The following CNTNAP2 variants were observed in gnomAD, a reference collection of about 807,000 sequenced individuals.
The protein encoded by CNTNAP2 is contactin-associated protein-like 2.
CNTNAP2 carries 98 observed loss-of-function variants against 155.2 expected under a neutral mutation model. The ratio of observed to expected loss-of-function variants is 0.63; its 90% CI spans 0.54 to 0.75. The LOEUF is 0.75. CNTNAP2 is among the 30% of genes least tolerant of loss of function. The pLI, the probability that CNTNAP2 is intolerant of heterozygous loss-of-function variation, is 0.00. For missense variants in CNTNAP2, 1,727 were observed against 1,688.1 expected (o/e 1.02, Z -0.40); for synonymous variants, 651 against 631.2 (o/e 1.03, Z -0.47).
chr7:146,352,750 G>GTTTTTTTTTTTTTTTTTTTTTTTTTTT (rs531124445), intron 1 of CNTNAP2, among the ~76,000 whole-genome samples: 3 of 64,338 alleles, frequency 4.7e-5, no homozygotes, highest in African/African-American at 6.4e-5. Flanking sequence ...GCATAATTCT[G>GTTTTTTTTTTTTTTTTTTTTTTTTTTT]TTTTTTTTTT....
chr7:146,993,271 T>A (rs536604728), intron 3 of CNTNAP2, among the ~76,000 whole-genome samples: 82 of 152,292 alleles, frequency 5.4e-4, no homozygotes, highest in Non-Finnish European at 1.0e-3. Context: ...TGGGGTGGGC[T>A]GTCTGCATGT....
chr7:146,716,237 T>C (rs1801185875), intron 1 of CNTNAP2, among the ~76,000 whole-genome samples: 1 of 144,710 alleles, frequency 6.9e-6, no homozygotes, highest in African/African-American at 2.5e-5. Context: ...AAAAAAGGCA[T>C]GTTTTGGGGT....
chr7:148,051,229 T>C lies in CNTNAP2; in HGVS notation c.2384-66889T>C, dbSNP rs2710133. ...ATACTTTTATGTAATTTGCTTTCAC[T>C]TGGGCCAAATATCATTTTTGTATTA... is the stretch of plus-strand genomic sequence containing the variant. On this transcript the variant is annotated intron_variant, in intron 15 of 23. Coordinates refer to ENST00000361727, the MANE Select transcript of CNTNAP2 (RefSeq NM_014141.6). 9.5e-3 allele frequency among the ~76,000 whole-genome samples: 1,441 copies of C among 152,328 alleles called. 25 individuals are homozygous for C. The highest frequency in any genetic ancestry group is 0.033 in the African/African-American group (1,381 of 41,562).
intron 1 of CNTNAP2, among the ~76,000 whole-genome samples, chr7:146,364,055 A>G (rs1173974670): frequency 7.2e-5 from 11 of 152,210 alleles, no homozygotes; most frequent in Admixed American, 6.5e-4. Flanking sequence ...AGGGCGAATC[A>G]TGAGTAAGAT....
At chr7:147,138,987 A>ATC (rs2129286783) in intron 8 of CNTNAP2, among the ~76,000 whole-genome samples, 1 of 152,192 alleles carries the variant, frequency 6.6e-6, no homozygotes, top group Non-Finnish European at 1.5e-5. Flanking sequence ...AAAAAATCAG[A>ATC]TATCACTAGT....
At chr7:147,618,708 T>TATATATATAATA in intron 12 of CNTNAP2, among the ~76,000 whole-genome samples, 1 of 132,074 alleles carries the variant, frequency 7.6e-6, no homozygotes, top group Non-Finnish European at 1.5e-5. Flanking sequence ...ACAGCTATTA[T>TATATATATAATA]ACACACACAC....
At chr7:146,315,035 G>A (rs542731846) in intron 1 of CNTNAP2, among the ~76,000 whole-genome samples, 1 of 152,288 alleles carries the variant, frequency 6.6e-6, no homozygotes, top group South Asian at 2.1e-4. Context: ...GAGAAAGCCA[G>A]GGAAGGCCCT....
intron 8 of CNTNAP2, among the ~76,000 whole-genome samples, chr7:147,157,983 G>A (rs889685849): frequency 3.3e-5 from 5 of 151,960 alleles, no homozygotes; most frequent in African/African-American, 1.2e-4. Context: ...CATTAAATCA[G>A]CAATAACAAA....
intron 15 of CNTNAP2, among the ~76,000 whole-genome samples, chr7:148,088,762 A>C (rs1020766317): frequency 6.6e-6 from 1 of 151,950 alleles, no homozygotes; most frequent in Non-Finnish European, 1.5e-5. Flanking sequence ...TTTTTTGCAA[A>C]CTTTTACCAA....
At chr7:146,947,103 C>G (rs968221101) in intron 3 of CNTNAP2, among the ~76,000 whole-genome samples, 1 of 151,758 alleles carries the variant, frequency 6.6e-6, no homozygotes, top group Admixed American at 6.6e-5. Flanking sequence ...GTGACCTCAG[C>G]TCCCTGTAAC....
chr7:146,539,327 A>G (rs770309706), intron 1 of CNTNAP2, among the ~76,000 whole-genome samples: 4 of 152,044 alleles, frequency 2.6e-5, no homozygotes, highest in Non-Finnish European at 4.4e-5. Context: ...GGCAGAGATC[A>G]GCAAAATTTG....
intron 10 of CNTNAP2, among the ~76,000 whole-genome samples, chr7:147,471,646 A>C (rs1798217061): frequency 6.6e-6 from 1 of 152,230 alleles, no homozygotes; most frequent in African/African-American, 2.4e-5. Flanking sequence ...CCAACTATTC[A>C]AACTAATTGA....
intron 18 of CNTNAP2, among the ~76,000 whole-genome samples, chr7:148,186,748 A>T (rs1050521978): frequency 3.3e-5 from 5 of 152,184 alleles, no homozygotes; most frequent in African/African-American, 1.2e-4. Context: ...CCTAAGTTTG[A>T]CACAAAAGGG....
intron 15 of CNTNAP2, among the ~76,000 whole-genome samples, chr7:147,990,125 G>A (rs1801685715): frequency 6.6e-6 from 1 of 152,134 alleles, no homozygotes; most frequent in Non-Finnish European, 1.5e-5. Context: ...TCAGGTAAGT[G>A]CTATACTTAT....
chr7:147,659,693 G>A (rs1247695949), intron 13 of CNTNAP2, among the ~76,000 whole-genome samples: 13 of 152,124 alleles, frequency 8.5e-5, no homozygotes, highest in Admixed American at 8.5e-4. Flanking sequence ...GTTTAATATT[G>A]ACAGTAGATT....
intron 8 of CNTNAP2, among the ~76,000 whole-genome samples, chr7:147,282,691 G>A (rs1805071880): frequency 6.6e-6 from 1 of 151,888 alleles, no homozygotes; most frequent in South Asian, 2.1e-4. Flanking sequence ...TCATAAAAGA[G>A]CCTTAATCAT....
At chr7:146,535,836 A>G (rs1797860840) in intron 1 of CNTNAP2, among the ~76,000 whole-genome samples, 1 of 152,078 alleles carries the variant, frequency 6.6e-6, no homozygotes, top group African/African-American at 2.4e-5. Flanking sequence ...ATGTGTTAAA[A>G]AACGGTTCAT....
At chr7:146,384,102 C>G (rs551209382) in intron 1 of CNTNAP2, among the ~76,000 whole-genome samples, 6 of 152,048 alleles carry the variant, frequency 3.9e-5, no homozygotes, top group African/African-American at 1.4e-4. Flanking sequence ...GAGAAAGGAA[C>G]AAAAAAGAAA....
chr7:147,070,429 A>C (rs1479613061), intron 4 of CNTNAP2, among the ~76,000 whole-genome samples: 1 of 152,220 alleles, frequency 6.6e-6, no homozygotes, highest in Non-Finnish European at 1.5e-5. Flanking sequence ...TGCTCTGAGA[A>C]GTGTCATCGT....
Sources: gnomAD v4.1 joint callset for allele counts (sites outside exome capture counted in the v4.1 genomes callset) on GRCh38, gnomAD v4.1.1 for gene constraint, MANE v1.5 for transcripts, NCBI Gene and HGNC (gene_info 2026-07-23, HGNC 2026-07-21) for gene names.